Variants in DACH1 observed in about 807,000 individuals in gnomAD.
DACH1 encodes the protein dachshund homolog 1.
DACH1 carries 12 observed loss-of-function variants against 54.2 expected under a neutral mutation model. The ratio of observed to expected loss-of-function variants is 0.22; its 90% confidence interval spans 0.14 to 0.36. The LOEUF is 0.36. Among genes scored for constraint, DACH1 ranks in the 10% least tolerant of loss-of-function variants. DACH1 has a pLI of 1.00. For synonymous variants in DACH1, 386 were observed against 366.2 expected (o/e 1.05, Z -0.62); for missense variants, 805 against 929.8 (o/e 0.87, Z 1.75).
chr13:71,742,753 A>G lies in DACH1; in HGVS notation c.849-60843T>C, dbSNP rs112948798. On this transcript the variant is annotated intron_variant, in intron 1 of 10. Transcript: ENST00000613252. Reference sequence around the variant, plus strand: ...TTTCTAAGACACTGGAAACATTTCAATCTTCCTTTTTACCTCAAGGATTTC... The same window carrying G: ...TTTCTAAGACACTGGAAACATTTCAGTCTTCCTTTTTACCTCAAGGATTTC... Among the ~76,000 whole-genome samples, 7 of 152,266 alleles carry G rather than the reference A, an allele frequency of 4.6e-5. 1 individual carries two copies. Among genetic ancestry groups the G allele is most frequent in the African/African-American group, 1.7e-4 (7 of 41,564 alleles).
At chr13:71,839,852 T>A (rs1409825933) in intron 1 of DACH1, among the ~76,000 whole-genome samples, 1 of 152,174 alleles carries the variant, frequency 6.6e-6, no homozygotes, top group African/African-American at 2.4e-5. Flanking sequence ...AACTTACTTC[T>A]CTTTCCCCAC....
Position 71,628,092 on chromosome 13 carries a change from C to T in DACH1, c.1126+2464G>A, listed in dbSNP as rs575914981. On this transcript the variant is annotated intron_variant, in intron 3 of 10. Coordinates refer to ENST00000613252, the MANE Select transcript of DACH1 (RefSeq NM_080759.6). ...TTTTTCAGATATGGAGTTTTGGGCT[C>T]AGAAAGTTTACATACTTTACAAAGT... Among the ~76,000 whole-genome samples, 100 of 152,082 alleles carry T rather than the reference C, an allele frequency of 6.6e-4. 1 individual carries two copies. Among genetic ancestry groups the T allele is most frequent in the Non-Finnish European group, 4.7e-4 (32 of 67,974 alleles).
At chr13:71,795,223 A>G (rs1004785568) in intron 1 of DACH1, among the ~76,000 whole-genome samples, 1 of 152,310 alleles carries the variant, frequency 6.6e-6, no homozygotes, top group East Asian at 1.9e-4. Flanking sequence ...AGCTAAAGAC[A>G]TGACACTAAT....
intron 6 of DACH1, among the ~76,000 whole-genome samples, chr13:71,509,400 A>G (rs900082652): frequency 2.0e-5 from 3 of 152,140 alleles, no homozygotes; most frequent in Non-Finnish European, 4.4e-5. Context: ...TAACTAGTAG[A>G]AAAAATTAGG....
intron 2 of DACH1, among the ~76,000 whole-genome samples, chr13:71,658,940 A>G (rs866030625): frequency 6.6e-6 from 1 of 152,146 alleles, no homozygotes; most frequent in Non-Finnish European, 1.5e-5. Flanking sequence ...TGTTTTTCTT[A>G]GGAGAAAAAT....
chr13:71,480,322 C>T (rs1205754561), intron 7 of DACH1, among the ~76,000 whole-genome samples: 2 of 152,122 alleles, frequency 1.3e-5, no homozygotes, highest in East Asian at 3.9e-4. Flanking sequence ...GATTAGACAG[C>T]ATAATAATTT....
At chr13:71,529,437 G>A (rs953391762) in intron 6 of DACH1, among the ~76,000 whole-genome samples, 11 of 151,870 alleles carry the variant, frequency 7.2e-5, no homozygotes, top group African/African-American at 2.2e-4. Flanking sequence ...CACTTGCCTC[G>A]GTCTCCCAAA....
rs188134637 is a variant in DACH1, at chr13:71,456,065, C to T, written c.2084-15373G>A. 2.0e-3 allele frequency among the ~76,000 whole-genome samples: 306 copies of T among 152,160 alleles called. 1 individual carries two copies. Among genetic ancestry groups the T allele is most frequent in the African/African-American group, 6.2e-3 (256 of 41,528 alleles). Reference sequence around the variant, plus strand: ...GATAATTTTGCAATTTACAAATTGTCTCTATCTCTAGAAACAAAGAATTTC... The same window carrying T: ...GATAATTTTGCAATTTACAAATTGTTTCTATCTCTAGAAACAAAGAATTTC... On this transcript the variant is annotated intron_variant, in intron 10 of 10. Coordinates refer to ENST00000613252, the MANE Select transcript of DACH1 (RefSeq NM_080759.6).
intron 10 of DACH1, among the ~76,000 whole-genome samples, chr13:71,460,246 T>C (rs1241972382): frequency 6.6e-6 from 1 of 152,102 alleles, no homozygotes; most frequent in Admixed American, 6.6e-5. Context: ...AACTTAAGTA[T>C]ATAAACATTC....
intron 1 of DACH1, among the ~76,000 whole-genome samples, chr13:71,775,447 T>C (rs985145529): frequency 2.0e-5 from 3 of 152,128 alleles, no homozygotes; most frequent in Non-Finnish European, 2.9e-5. Context: ...CATTTCACTT[T>C]CTACTGTCTT....
chr13:71,689,791 T>C (rs1881380662), intron 1 of DACH1, among the ~76,000 whole-genome samples: 1 of 152,204 alleles, frequency 6.6e-6, no homozygotes, highest in Non-Finnish European at 1.5e-5. Flanking sequence ...TAAAAATTAA[T>C]GACAGCCTAA....
chr13:71,598,026 G>C (rs112217547), intron 3 of DACH1, among the ~76,000 whole-genome samples: 3 of 149,758 alleles, frequency 2.0e-5, no homozygotes, highest in African/African-American at 7.4e-5. Flanking sequence ...GTTACAGTGA[G>C]CCCAGAGGGC....
At chr13:71,718,041 G>A (rs1883059276) in intron 1 of DACH1, among the ~76,000 whole-genome samples, 1 of 151,966 alleles carries the variant, frequency 6.6e-6, no homozygotes, top group Admixed American at 6.6e-5. Context: ...AAAAGATCAT[G>A]GATCACCTAG....
intron 1 of DACH1, among the ~76,000 whole-genome samples, chr13:71,851,414 T>TA (rs1407115617): frequency 6.6e-6 from 1 of 152,212 alleles, no homozygotes; most frequent in Non-Finnish European, 1.5e-5. Context: ...CATTTTGATT[T>TA]ATTTATTATG....
chr13:71,610,309 C>T (rs1456792782), intron 3 of DACH1, among the ~76,000 whole-genome samples: 3 of 152,082 alleles, frequency 2.0e-5, no homozygotes, highest in East Asian at 1.9e-4. Flanking sequence ...TGTTTATATT[C>T]GCTTTACTGA....
At chr13:71,647,032 CTG>C (rs1878326950) in intron 2 of DACH1, among the ~76,000 whole-genome samples, 1 of 152,148 alleles carries the variant, frequency 6.6e-6, no homozygotes, top group Admixed American at 6.5e-5. Context: ...TATAGGCAAA[CTG>C]TGATCATACA....
At chr13:71,549,689 A>C (rs577454857) in intron 6 of DACH1, among the ~76,000 whole-genome samples, 1 of 152,182 alleles carries the variant, frequency 6.6e-6, no homozygotes, top group African/African-American at 2.4e-5. Context: ...TTGTATGATA[A>C]ATTCCTGGGA....
chr13:71,444,388 T>C (rs1042646164), intron 10 of DACH1, among the ~76,000 whole-genome samples: 1 of 152,176 alleles, frequency 6.6e-6, no homozygotes, highest in Admixed American at 6.5e-5. Flanking sequence ...TTCAATTATA[T>C]TGAGATTATC....
intron 1 of DACH1, among the ~76,000 whole-genome samples, chr13:71,710,452 TTGTGTGTGTGTGTG>T (rs71681955): frequency 8.0e-4 from 113 of 140,660 alleles, no homozygotes; most frequent in East Asian, 4.9e-3. Flanking sequence ...TATGAGGGTT[TTGTGTGTGTGTGTG>T]TGTGTGTGTG....
Sources: allele counts gnomAD v4.1 joint callset (sites outside exome capture counted in the v4.1 genomes callset), GRCh38; gene constraint gnomAD v4.1.1; transcripts MANE v1.5; gene names NCBI Gene and HGNC (gene_info 2026-07-23, HGNC 2026-07-21).